RGSL1: variants seen among roughly 807,000 people sequenced by gnomAD.
RGSL1 encodes the protein regulator of G protein signaling like 1, also known as regulator of G protein signaling protein-like.
A neutral mutation model predicts 124.7 loss-of-function variants in RGSL1; 97 were observed. The observed-to-expected ratio is 0.78, with a 90% CI of 0.66 to 0.92. RGSL1 has a LOEUF of 0.92. RGSL1 is among the 40% of genes least tolerant of loss of function. The pLI is 0.00. For missense variants in RGSL1, 1,233 were observed against 1,288.4 expected, an observed-to-expected ratio of 0.96 and a Z score of 0.66; for synonymous variants, 424 against 438.1, an observed-to-expected ratio of 0.97 and a Z score of 0.40.
Position 182,532,598 on chromosome 1 carries a change from A to G in RGSL1, c.2365-64A>G. 2.6e-6 allele frequency: 4 copies of G among 1,510,006 alleles called. No homozygotes were observed. In the South Asian group the frequency reaches 3.7e-5, roughly 14 times the overall value. 93.5% of individuals were successfully genotyped at this position (1,510,006 alleles called of 1,614,324 possible). On this transcript the variant is annotated intron_variant, in intron 13 of 21. Coordinates refer to ENST00000294854, the MANE Select transcript of RGSL1 (RefSeq NM_001137669.2). The stretch of plus-strand genomic sequence containing the variant: ...TAGTGAATACCAAGTTTTGGCACAC[A>G]GTAGACTCTCGGTGAACAGCAACCA...
At chr1:182,477,377 T>C (rs1162073788) in intron 6 of RGSL1, among the ~76,000 whole-genome samples, 1 of 152,040 alleles carries the variant, frequency 6.6e-6, no homozygotes, top group Non-Finnish European at 1.5e-5. Context: ...TGCCTTTCGG[T>C]CTCATTAGAC....
chr1:182,456,597 C>T (rs780458798), intron 2 of RGSL1, among the ~76,000 whole-genome samples: 4 of 152,110 alleles, frequency 2.6e-5, no homozygotes, highest in Non-Finnish European at 4.4e-5. Context: ...CACGCCTGGC[C>T]GAGAAGTAAT....
chr1:182,508,275 G>A (rs1234334332), intron 9 of RGSL1, among the ~76,000 whole-genome samples: 1 of 134,676 alleles, frequency 7.4e-6, no homozygotes, highest in South Asian at 2.4e-4. Context: ...GGTGATGGTT[G>A]TTGGTGGTGG....
intron 9 of RGSL1, among the ~76,000 whole-genome samples, chr1:182,497,807 TCAGG>T (rs1277642620): frequency 6.6e-6 from 1 of 152,192 alleles, no homozygotes; most frequent in Non-Finnish European, 1.5e-5. Context: ...GGTTATGCAT[TCAGG>T]TTATTCAGAA....
chr1:182,470,646 T>G (rs1169675629), intron 4 of RGSL1, among the ~76,000 whole-genome samples: 10 of 152,184 alleles, frequency 6.6e-5, no homozygotes, highest in Admixed American at 6.6e-4. Flanking sequence ...ATGTACTTAT[T>G]TATTATGCTT....
chr1:182,527,238 A>G (rs184757928), intron 10 of RGSL1, among the ~76,000 whole-genome samples: 26 of 152,310 alleles, frequency 1.7e-4, no homozygotes, highest in Admixed American at 1.7e-3. Flanking sequence ...AAAAACTGCT[A>G]ATCATGCTCC....
intron 9 of RGSL1, among the ~76,000 whole-genome samples, chr1:182,514,582 TAA>T (rs1278369949): frequency 3.9e-5 from 6 of 152,172 alleles, no homozygotes; most frequent in Non-Finnish European, 7.4e-5. Flanking sequence ...GGAAACCTGC[TAA>T]GATACCCCTT....
chr1:182,471,581 GTTTA>G (rs1558255390), intron 4 of RGSL1, among the ~76,000 whole-genome samples: 2 of 152,140 alleles, frequency 1.3e-5, no homozygotes, highest in East Asian at 1.9e-4. Context: ...CCTTTTACTC[GTTTA>G]TTCATTCATT....
At chr1:182,538,723 T>C (rs1659703989) in intron 14 of RGSL1, among the ~76,000 whole-genome samples, 1 of 152,072 alleles carries the variant, frequency 6.6e-6, no homozygotes, top group Non-Finnish European at 1.5e-5. Flanking sequence ...CTCATGCAGA[T>C]GCCAACCCCG....
At chr1:182,519,000 T>C (rs1458566022) in intron 9 of RGSL1, among the ~76,000 whole-genome samples, 1 of 148,514 alleles carries the variant, frequency 6.7e-6, no homozygotes, top group Non-Finnish European at 1.5e-5. Flanking sequence ...AGTTTTCTTT[T>C]AGATTAAAAT....
In RGSL1 at chr1:182,474,451, T is replaced by G; in HGVS notation, c.1340T>G (p.Leu447Arg). ...GAGCAGATTGGTCCGTGCTTACCAC[T>G]CAAATCCCAAACCATTCAGGGCCTG... ...LNEQIGPCLPLKSQTIQGLKE... is the reference protein window; with the variant it reads ...LNEQIGPCLPRKSQTIQGLKE... Residue 447 changes from leucine (L) to arginine (R), a missense_variant, in exon 6 of 22, where the codon CTC (leucine) becomes CGC (arginine). Coordinates refer to ENST00000294854, the MANE Select transcript of RGSL1 (RefSeq NM_001137669.2). 2 of 1,551,994 alleles carry G rather than the reference T, an allele frequency of 1.3e-6. No homozygotes were observed. Among genetic ancestry groups the G allele is most frequent in the Non-Finnish European group, 1.7e-6 (2 of 1,147,034 alleles).
chr1:182,464,021 A>T lies in RGSL1; in HGVS notation c.301+3888A>T, dbSNP rs1054192571. Among the ~76,000 whole-genome samples, 6 of 152,348 alleles carry T rather than the reference A, an allele frequency of 3.9e-5. No homozygotes were observed. The South Asian group carries it at 1.2e-3, about 32-fold the overall frequency. ...ATACAAAGTATCTTCTCTGACCACA[A>T]AAGGATGAAATTAGAAATAAATAAC... On this transcript the variant is annotated intron_variant, in intron 4 of 21. Coordinates refer to ENST00000294854, the MANE Select transcript of RGSL1 (RefSeq NM_001137669.2).
intron 9 of RGSL1, among the ~76,000 whole-genome samples, chr1:182,502,203 A>T (rs747266186): frequency 8.6e-5 from 13 of 152,018 alleles, no homozygotes; most frequent in Non-Finnish European, 1.5e-4. Context: ...GACGGTCTCT[A>T]TTGCTCTCAG....
chr1:182,492,229 C>G (rs537353321), intron 8 of RGSL1, among the ~76,000 whole-genome samples: 1 of 152,284 alleles, frequency 6.6e-6, no homozygotes, highest in Non-Finnish European at 1.5e-5. Flanking sequence ...GTTGTGGTCT[C>G]ATGCCCGCAC....
chr1:182,543,226 T>A (rs1224251557), intron 15 of RGSL1, among the ~76,000 whole-genome samples: 1 of 152,160 alleles, frequency 6.6e-6, no homozygotes. Context: ...GGTATATTTC[T>A]TCCATACCCA....
At chr1:182,460,608 G>T in intron 4 of RGSL1, 2 of 454,914 alleles carry the variant, frequency 4.4e-6, no homozygotes, top group Non-Finnish European at 8.8e-6. Context: ...TTTTGCTCTT[G>T]CTCTCTTCCT....
intron 9 of RGSL1, among the ~76,000 whole-genome samples, chr1:182,495,611 G>A (rs529757585): frequency 6.6e-6 from 1 of 152,242 alleles, no homozygotes; most frequent in South Asian, 2.1e-4. Flanking sequence ...CCAAAGTTCT[G>A]CTTATGGCGT....
intron 9 of RGSL1, among the ~76,000 whole-genome samples, chr1:182,505,591 T>A (rs537543): frequency 0.86 from 131,227 of 152,146 alleles, 56,912 homozygotes; most frequent in African/African-American, 0.9. Flanking sequence ...ATTTTCTGTG[T>A]CATCATTTCC....
chr1:182,496,755 T>C (rs985573966), intron 9 of RGSL1, among the ~76,000 whole-genome samples: 3 of 152,210 alleles, frequency 2.0e-5, no homozygotes, highest in Non-Finnish European at 2.9e-5. Context: ...GAAATAATGC[T>C]GTTTCTAAAA....
Sources: allele counts gnomAD v4.1 joint callset (sites outside exome capture counted in the v4.1 genomes callset), GRCh38; gene constraint gnomAD v4.1.1; transcripts MANE v1.5; gene names NCBI Gene and HGNC (gene_info 2026-07-23, HGNC 2026-07-21).